AFG1L: variants seen among roughly 807,000 people sequenced by gnomAD.
AFG1L encodes the protein AFG1-like ATPase.
AFG1L carries 53 observed loss-of-function variants against 62.2 expected under a neutral mutation model. The observed-to-expected ratio is 0.85, with a 90% confidence interval of 0.68 to 1.07. The LOEUF is 1.07. AFG1L is among the 50% of genes least tolerant of loss of function. AFG1L has a pLI of 0.00. For synonymous variants in AFG1L, 228 were observed against 210.3 expected (o/e 1.08, Z -0.73); for missense variants, 555 against 590.5 (o/e 0.94, Z 0.62).
At chr6:108,399,348 C>T (rs1165834717) in intron 6 of AFG1L, among the ~76,000 whole-genome samples, 1 of 151,710 alleles carries the variant, frequency 6.6e-6, no homozygotes, top group African/African-American at 2.4e-5. Flanking sequence ...CCACCACACC[C>T]CACTAATTTT....
intron 1 of AFG1L, among the ~76,000 whole-genome samples, chr6:108,320,791 G>A (rs1226607442): frequency 6.6e-6 from 1 of 152,106 alleles, no homozygotes; most frequent in African/African-American, 2.4e-5. Flanking sequence ...AGCTGGGGTG[G>A]TAGGATGAGG....
At chr6:108,327,095 A>AAAAC (rs773678277) in intron 2 of AFG1L, among the ~76,000 whole-genome samples, 25 of 152,354 alleles carry the variant, frequency 1.6e-4, no homozygotes, top group Non-Finnish European at 2.9e-4. Flanking sequence ...ATACAAATAA[A>AAAAC]AAACAAACAA....
chr6:108,362,025 A>G (rs72936775), intron 5 of AFG1L, among the ~76,000 whole-genome samples: 7,110 of 152,292 alleles, frequency 0.047, 267 homozygotes, highest in South Asian at 0.18. Flanking sequence ...GTGAATAAAT[A>G]AATGAATGAA....
intron 1 of AFG1L, 149 bp from the exon 2 acceptor site, chr6:108,323,676 A>G: frequency 1.7e-6 from 1 of 605,970 alleles, no homozygotes; most frequent in Non-Finnish European, 2.9e-6. Context: ...TGTATTTTAT[A>G]TTATTTTTAT....
intron 1 of AFG1L, among the ~76,000 whole-genome samples, chr6:108,296,431 CT>C (rs1383674493): frequency 1.3e-5 from 2 of 152,026 alleles, no homozygotes; most frequent in Non-Finnish European, 2.9e-5. Context: ...AAATGTAAGG[CT>C]TTTTTCTATC....
intron 5 of AFG1L, 34 bp downstream of exon 5, chr6:108,356,854 T>C (rs1779311174): frequency 6.5e-7 from 1 of 1,548,402 alleles, no homozygotes; most frequent in South Asian, 1.2e-5. Flanking sequence ...TATAGAATGG[T>C]ATATTGAATG....
chr6:108,319,180 G>T (rs1321092765), intron 1 of AFG1L, among the ~76,000 whole-genome samples: 2 of 152,146 alleles, frequency 1.3e-5, no homozygotes, highest in Admixed American at 1.3e-4. Flanking sequence ...AAGATAAACA[G>T]TACGTTTTAC....
chr6:108,504,499 T>A (rs1774324388), intron 10 of AFG1L, among the ~76,000 whole-genome samples: 1 of 152,068 alleles, frequency 6.6e-6, no homozygotes. Flanking sequence ...CCAAAGCAAT[T>A]ACAACAGTAA....
chr6:108,344,810 G>A (rs111980874), intron 2 of AFG1L: 11,138 of 470,660 alleles, frequency 0.024, 215 homozygotes, highest in Middle Eastern at 0.06. Flanking sequence ...AAGGTTACTC[G>A]TCTAAGTGTA....
intron 7 of AFG1L, among the ~76,000 whole-genome samples, chr6:108,429,147 G>C (rs1770954083): frequency 1.3e-5 from 2 of 152,066 alleles, no homozygotes; most frequent in African/African-American, 4.8e-5. Context: ...AGTTTTCCCA[G>C]CACCATTTAT....
chr6:108,499,070 CTTT>C (rs200737971), intron 10 of AFG1L, among the ~76,000 whole-genome samples: 13 of 138,478 alleles, frequency 9.4e-5, no homozygotes, highest in Middle Eastern at 3.4e-3. Context: ...ATAAATGTAA[CTTT>C]TTTTTTTTTT....
At chr6:108,477,148 G>T in intron 9 of AFG1L, 44 bp from the exon 10 acceptor site, 1 of 1,288,662 alleles carries the variant, frequency 7.8e-7, no homozygotes, top group Non-Finnish European at 1.1e-6. Flanking sequence ...GAATTTTATA[G>T]TAATTATCCA....
intron 11 of AFG1L, among the ~76,000 whole-genome samples, chr6:108,512,715 T>C (rs1774703754): frequency 6.6e-6 from 1 of 151,750 alleles, no homozygotes; most frequent in Non-Finnish European, 1.5e-5. Context: ...TTTTCACTTC[T>C]TAATCGAAGG....
chr6:108,425,823 A>G (rs1770787195), intron 7 of AFG1L, among the ~76,000 whole-genome samples: 1 of 152,086 alleles, frequency 6.6e-6, no homozygotes, highest in Non-Finnish European at 1.5e-5. Context: ...AGCTTTAGTC[A>G]TACACAATGG....
rs545369328 is a variant in AFG1L, at chr6:108,521,550, G to A, written c.1318-747G>A. The A allele has an allele frequency of 4.0e-4, 61 of 152,322 alleles. 1 individual carries two copies. Among genetic ancestry groups the A allele is most frequent in the African/African-American group, 1.4e-3 (60 of 41,558 alleles). The allele number at this position is 152,322 out of a possible 1,614,324, so 9.4% of individuals were successfully genotyped here. A position where few individuals can be genotyped will look rare whatever the true frequency, so the allele number is the denominator to read the frequency against. On this transcript the variant is annotated intron_variant, in intron 12 of 12. Transcript: ENST00000368977. ...AAGCTCAGCAGACAGAGCCAATCAT[G>A]CATGAAGAAATCAGGGAATGTGATC...
At position 108,440,855 on chromosome 6, in the gene AFG1L, A is replaced by G. The variant is rs912704240; in HGVS notation, c.808-6359A>G. Among the ~76,000 whole-genome samples, 6 of 152,032 alleles carry G rather than the reference A, an allele frequency of 3.9e-5. No individual in the cohort carries two copies. In the South Asian group the frequency reaches 1.0e-3, roughly 26 times the overall value. ...AAAAAGGAAAAGAAAAGTCTCAACC[A>G]TTTTTTCTTTTTTGTTGTTTACTCA... On this transcript the variant is annotated intron_variant, in intron 7 of 12. Transcript: ENST00000368977.
At chr6:108,356,219 T>G (rs2114459781) in intron 4 of AFG1L, among the ~76,000 whole-genome samples, 1 of 152,328 alleles carries the variant, frequency 6.6e-6, no homozygotes, top group Admixed American at 6.5e-5. Context: ...ATCATGTGTT[T>G]TTTTCCTCTA....
chr6:108,522,543 C>G lies in AFG1L; in HGVS notation c.*118C>G. Reference sequence around the variant, plus strand: ...TAATTATGCACTTTGTCCTCTGGACCATTTTAATCTAAAATTGCTCTCAAG... The same window carrying G: ...TAATTATGCACTTTGTCCTCTGGACGATTTTAATCTAAAATTGCTCTCAAG... On this transcript the variant is annotated 3_prime_UTR_variant, in exon 13 of 13. Transcript: ENST00000368977. The G allele has an allele frequency of 9.0e-7, 1 of 1,117,092 alleles. No individual in the cohort carries two copies. The highest frequency in any genetic ancestry group is 1.2e-6 in the Non-Finnish European group (1 of 817,554). 69.2% of individuals were successfully genotyped at this position (1,117,092 alleles called of 1,614,324 possible).
intron 6 of AFG1L, among the ~76,000 whole-genome samples, chr6:108,381,352 TC>T (rs1316655151): frequency 4.0e-5 from 6 of 151,456 alleles, no homozygotes; most frequent in Admixed American, 2.0e-4. Flanking sequence ...TTTTTACTTT[TC>T]TTTTTTTTTT....
Sources: gnomAD v4.1 joint callset for allele counts (sites outside exome capture counted in the v4.1 genomes callset) on GRCh38, gnomAD v4.1.1 for gene constraint, MANE v1.5 for transcripts, NCBI Gene and HGNC (gene_info 2026-07-23, HGNC 2026-07-21) for gene names.